Variants in MAGI2 observed in about 807,000 individuals in gnomAD.
MAGI2 encodes the protein membrane associated guanylate kinase, WW and PDZ domain containing 2, also known as membrane-associated guanylate kinase, WW and PDZ domain-containing protein 2.
MAGI2 carries 35 observed loss-of-function variants against 133.3 expected under a neutral mutation model. The ratio of observed to expected loss-of-function variants is 0.26; its 90% CI spans 0.20 to 0.35. The LOEUF is 0.35. Among genes scored for constraint, MAGI2 ranks in the 10% least tolerant of loss-of-function variants. The probability of loss-of-function intolerance (pLI) is 1.00; values close to 1 mark genes in which losing one functional copy is unlikely to be tolerated. For missense variants in MAGI2, 1,636 were observed against 1,863.4 expected (o/e 0.88, Z 2.25); for synonymous variants, 729 against 710.6 (o/e 1.03, Z -0.41).
At chr7:78,310,676 T>C (rs1263050032) in intron 9 of MAGI2, among the ~76,000 whole-genome samples, 1 of 152,094 alleles carries the variant, frequency 6.6e-6, no homozygotes, top group Non-Finnish European at 1.5e-5. Flanking sequence ...ATTGAAAAGT[T>C]ACCATGAAGA....
chr7:78,194,715 C>T lies in MAGI2; in HGVS notation c.2269+159G>A, dbSNP rs149770365. On this transcript the variant is annotated intron_variant, in intron 12 of 21. Transcript: ENST00000354212. ...ATAATAAACCGACTTTTAGAGTCAACAGGCTTTCTAAGATAATTTTAGACC... is the reference window on the plus strand; with the variant it reads ...ATAATAAACCGACTTTTAGAGTCAATAGGCTTTCTAAGATAATTTTAGACC... Among the ~76,000 whole-genome samples the T allele has an allele frequency of 2.3e-3, 354 of 152,274 alleles. 2 individuals carry two copies. The highest frequency in any genetic ancestry group is 8.0e-3 in the African/African-American group (333 of 41,526).
chr7:78,284,933 A>G (rs1562752300), intron 9 of MAGI2, among the ~76,000 whole-genome samples: 1 of 152,178 alleles, frequency 6.6e-6, no homozygotes. Flanking sequence ...CTAAAAATAA[A>G]TGTTTACAAT....
At chr7:78,350,852 C>T (rs750882384) in intron 7 of MAGI2, among the ~76,000 whole-genome samples, 2 of 152,176 alleles carry the variant, frequency 1.3e-5, no homozygotes, top group Non-Finnish European at 2.9e-5. Context: ...CATCAATGCT[C>T]CCTGTATATC....
chr7:78,286,676 G>GGAAAGCTATATACTAGAAT lies in MAGI2; in HGVS notation c.1409-30114_1409-30096dup, dbSNP rs1796175274. 2.0e-5 allele frequency among the ~76,000 whole-genome samples: 3 copies of GGAAAGCTATATACTAGAAT among 152,168 alleles called. No individual in the cohort carries two copies. In the South Asian group the frequency reaches 6.2e-4, roughly 32 times the overall value. ...TGGGGGCATGTCTGGGGAAGGTACTGGAAAGCTATATACTAGAATGGTCAA... is the reference window on the plus strand; with the variant it reads ...TGGGGGCATGTCTGGGGAAGGTACTGGAAAGCTATATACTAGAATGAAAGCTATATACTAGAATGGTCAA... On this transcript the variant is annotated intron_variant, in intron 9 of 21. Transcript: ENST00000354212.
At chr7:79,279,201 C>A (rs535568274) in intron 1 of MAGI2, among the ~76,000 whole-genome samples, 27 of 152,222 alleles carry the variant, frequency 1.8e-4, no homozygotes, top group Admixed American at 5.9e-4. Flanking sequence ...TTACAAAAAA[C>A]GTCCCTCACT....
At chr7:78,523,774 C>T (rs1796712222) in intron 3 of MAGI2, among the ~76,000 whole-genome samples, 1 of 152,118 alleles carries the variant, frequency 6.6e-6, no homozygotes, top group African/African-American at 2.4e-5. Context: ...ATTACCACCA[C>T]CTGGTCTCTC....
chr7:79,000,228 G>C (rs1031937115), intron 2 of MAGI2: 4 of 152,028 alleles, frequency 2.6e-5, no homozygotes, highest in African/African-American at 9.7e-5. Context: ...TTTTAACTCA[G>C]GGAATTTCTT....
At chr7:78,324,742 C>T (rs901532054) in intron 9 of MAGI2, among the ~76,000 whole-genome samples, 2 of 152,090 alleles carry the variant, frequency 1.3e-5, no homozygotes, top group Non-Finnish European at 2.9e-5. Flanking sequence ...TGGTGGAACA[C>T]CTGAGGTCAG....
chr7:78,503,566 C>CCCTCCTCCTCCCCCTCCTCCTCCCCCT (rs1794816337), intron 4 of MAGI2, among the ~76,000 whole-genome samples: 1 of 67,368 alleles, frequency 1.5e-5, no homozygotes, highest in African/African-American at 8.2e-5. Flanking sequence ...CTCCCCCTCC[C>CCCTCCTCCTCCCCCTCCTCCTCCCCCT]CCTCCTCCTC....
Position 78,553,258 on chromosome 7 carries a change from G to A in MAGI2, c.539-31613C>T, listed in dbSNP as rs559273289. Reference sequence around the variant, plus strand: ...CTTTGACTACATAAGCATTTTCGTAGCTTTATTTTAATGATCACAACCCAG... The same window carrying A: ...CTTTGACTACATAAGCATTTTCGTAACTTTATTTTAATGATCACAACCCAG... On this transcript the variant is annotated intron_variant, in intron 3 of 21. Transcript: ENST00000354212. Among the ~76,000 whole-genome samples the A allele has an allele frequency of 2.6e-5, 4 of 152,152 alleles. No homozygotes were observed. The South Asian group carries it at 8.3e-4, about 32-fold the overall frequency.
chr7:79,137,949 T>G (rs745646253), intron 1 of MAGI2, among the ~76,000 whole-genome samples: 31 of 152,176 alleles, frequency 2.0e-4, no homozygotes, highest in Non-Finnish European at 3.7e-4. Context: ...GTGGGCGTAA[T>G]GTAATCACAA....
chr7:79,153,014 A>C (rs1823409986), intron 1 of MAGI2, among the ~76,000 whole-genome samples: 1 of 152,194 alleles, frequency 6.6e-6, no homozygotes. Context: ...AGCCTTTAGA[A>C]CAAGCTTTGG....
At position 78,394,434 on chromosome 7, in the gene MAGI2, T is replaced by C. The variant is rs1407612059; in HGVS notation, c.1046-25221A>G. On this transcript the variant is annotated intron_variant, in intron 6 of 21. Coordinates refer to ENST00000354212, the MANE Select transcript of MAGI2 (RefSeq NM_012301.4). ...CCATGGTCACGTCTTCCCCAGGGCA[T>C]GTCCTCTGCCACAGAAACCTTTCGT... 2.6e-5 allele frequency among the ~76,000 whole-genome samples: 4 copies of C among 152,264 alleles called. No individual in the cohort carries two copies. In the East Asian group the frequency reaches 5.8e-4, roughly 22 times the overall value.
chr7:78,061,033 G>T (rs1813186839), intron 21 of MAGI2, among the ~76,000 whole-genome samples: 1 of 151,816 alleles, frequency 6.6e-6, no homozygotes, highest in Non-Finnish European at 1.5e-5. Flanking sequence ...GGGGGCGGTG[G>T]CATATGCCTG....
chr7:78,548,999 T>C (rs971308625), intron 3 of MAGI2, among the ~76,000 whole-genome samples: 1 of 152,194 alleles, frequency 6.6e-6, no homozygotes, highest in African/African-American at 2.4e-5. Context: ...TAAACCTCAA[T>C]TCATTCAAGG....
chr7:78,256,918 C>T (rs1793041934), intron 9 of MAGI2, among the ~76,000 whole-genome samples: 1 of 152,148 alleles, frequency 6.6e-6, no homozygotes, highest in South Asian at 2.1e-4. Flanking sequence ...TATATTCCAT[C>T]TTCAGTGTAA....
At chr7:78,710,797 A>G (rs1819112068) in intron 2 of MAGI2, among the ~76,000 whole-genome samples, 1 of 152,158 alleles carries the variant, frequency 6.6e-6, no homozygotes, top group African/African-American at 2.4e-5. Context: ...ACCCCTCTGT[A>G]CCTATAATTT....
chr7:78,172,093 T>G (rs1826167496), intron 14 of MAGI2, among the ~76,000 whole-genome samples: 1 of 152,158 alleles, frequency 6.6e-6, no homozygotes, highest in African/African-American at 2.4e-5. Context: ...AACAGAACAT[T>G]TGATGTGAAA....
intron 9 of MAGI2, among the ~76,000 whole-genome samples, chr7:78,279,753 C>T (rs924276225): frequency 1.3e-5 from 2 of 152,058 alleles, no homozygotes; most frequent in African/African-American, 4.8e-5. Flanking sequence ...AGTGTTCCTT[C>T]CCATTGAGGC....
Sources: gnomAD v4.1 joint callset for allele counts (sites outside exome capture counted in the v4.1 genomes callset) on GRCh38, gnomAD v4.1.1 for gene constraint, MANE v1.5 for transcripts, NCBI Gene and HGNC (gene_info 2026-07-23, HGNC 2026-07-21) for gene names.